Variants in OTOG observed in about 807,000 individuals in gnomAD.
OTOG encodes otogelin.
In OTOG, 296 loss-of-function variants were observed where a neutral mutation model predicts 313.8. The observed-to-expected ratio is 0.94, with a 90% CI of 0.86 to 1.04. The LOEUF (loss-of-function observed/expected upper bound fraction) is 1.04, where lower values mean the gene tolerates loss of function less well. Among genes scored for constraint, OTOG ranks in the 50% least tolerant of loss-of-function variants. OTOG has a pLI of 0.00. For synonymous variants in OTOG, 1,533 were observed against 1,554.9 expected (o/e 0.99, Z 0.33); for missense variants, 3,948 against 3,840.1 (o/e 1.03, Z -0.74).
chr11:17,576,559 C>G lies in OTOG; in HGVS notation c.2490C>G (p.Asn830Lys). 1 of 1,550,182 alleles carries G rather than the reference C, an allele frequency of 6.5e-7. No homozygotes were observed. Among genetic ancestry groups the G allele is most frequent in the African/African-American group, 1.4e-5 (1 of 73,150 alleles). The change falls in exon 21 of 56, where the codon AAC becomes AAG. Residue 830 changes from asparagine (N) to lysine (K), a missense_variant. Coordinates refer to ENST00000399397, the MANE Select transcript of OTOG (RefSeq NM_001292063.2). ...DTQADLCVPR[N>K]QCSCHFQGVD... ...CTTTGCTCCCATTTTTTTATAGGAACCAGTGCTCCTGCCACTTCCAGGGAG... is the reference window on the plus strand; with the variant it reads ...CTTTGCTCCCATTTTTTTATAGGAAGCAGTGCTCCTGCCACTTCCAGGGAG...
At chr11:17,636,338 T>G (rs979444761) in intron 47 of OTOG, among the ~76,000 whole-genome samples, 2 of 152,194 alleles carry the variant, frequency 1.3e-5, no homozygotes, top group African/African-American at 4.8e-5. Context: ...GCAGCCAGCA[T>G]TACGGATTGT....
Position 17,593,723 on chromosome 11 carries a change from C to A in OTOG, c.3255C>A (p.Thr1085=), listed in dbSNP as rs1432914213. Residue 1085 remains threonine (T), a synonymous_variant, in exon 27 of 56, where the codon ACC becomes ACA. Transcript: ENST00000399397. ...TCACCCTCTTGTGGGACCAGAGAACCACAGTGCACGTCCAGGCTGGGCCTC... is the reference window on the plus strand; with the variant it reads ...TCACCCTCTTGTGGGACCAGAGAACAACAGTGCACGTCCAGGCTGGGCCTC... ...EHITLLWDQR[T]TVHVQAGPQW... The A allele has an allele frequency of 6.5e-6, 10 of 1,548,770 alleles. No homozygotes were observed. The highest frequency in any genetic ancestry group is 6.1e-6 in the Non-Finnish European group (7 of 1,146,976).
chr11:17,632,663 G>A (rs559066304), intron 42 of OTOG, among the ~76,000 whole-genome samples: 1 of 152,084 alleles, frequency 6.6e-6, no homozygotes, highest in African/African-American at 2.4e-5. Context: ...TTTTGCTCAC[G>A]TTTCTCTTCT....
chr11:17,599,804 G>A (rs1475062048), intron 31 of OTOG, 107 bp downstream of exon 31: 1 of 1,343,910 alleles, frequency 7.4e-7, no homozygotes, highest in Non-Finnish European at 1.0e-6. Context: ...CCCTGGAAGA[G>A]CCGTGACCCG....
rs866591171 is a variant in OTOG, at chr11:17,573,042, C to A, written c.2081-36C>A. The A allele has an allele frequency of 6.6e-6, 10 of 1,503,922 alleles. No individual in the cohort carries two copies. The African/African-American group carries it at 1.1e-4, about 17-fold the overall frequency. 93.2% of individuals were successfully genotyped at this position (1,503,922 alleles called of 1,614,324 possible). ...TCCTGGGACACCAGGTAGACCGACT[C>A]CCCTGACTGCCTGGCTCCTGTTCTT... On this transcript the variant is annotated intron_variant, in intron 18 of 55. Transcript: ENST00000399397.
chr11:17,610,339 G>A lies in OTOG; in HGVS notation c.5039G>A (p.Gly1680Glu), dbSNP rs750049065. 5 of 1,550,652 alleles carry A rather than the reference G, an allele frequency of 3.2e-6. No homozygotes were observed. The highest frequency in any genetic ancestry group is 4.4e-6 in the Non-Finnish European group (5 of 1,146,992). ...GTAACTAAGGTCATAAGCAGGACAG[G>A]GGTCCCCCAGCCCACCCAGGCCCAG... is the stretch of plus-strand genomic sequence containing the variant. ...PAVTKVISRT[G>E]VPQPTQAQSA... is the part of the protein sequence containing the mutation. The change falls in exon 36 of 56, where the codon GGG (glycine) becomes GAG (glutamate). Residue 1680 changes from glycine (G) to glutamate (E), a missense_variant. By Grantham distance (98) the Gly-to-Glu change is moderately conservative. Coordinates refer to ENST00000399397, the MANE Select transcript of OTOG (RefSeq NM_001292063.2).
At chr11:17,581,174 G>A (rs997040154) in intron 23 of OTOG, among the ~76,000 whole-genome samples, 1 of 152,152 alleles carries the variant, frequency 6.6e-6, no homozygotes, top group African/African-American at 2.4e-5. Context: ...TCATCCAAGA[G>A]GAATAAATAG....
chr11:17,641,125 TG>T, intron 51 of OTOG, 34 bp downstream of exon 51: 1 of 408,006 alleles, frequency 2.5e-6, no homozygotes. Context: ...TGGGTGGGGT[TG>T]GGAGGGCTTG....
At chr11:17,577,015 T>C (rs375043077) in intron 22 of OTOG, 104 bp downstream of exon 22, 12 of 1,200,074 alleles carry the variant, frequency 1.0e-5, no homozygotes, top group East Asian at 7.7e-5. Flanking sequence ...CTCCAGGTTT[T>C]GCCCTACATT....
intron 19 of OTOG, 131 bp downstream of exon 19, chr11:17,573,421 T>A: frequency 1.0e-6 from 1 of 975,618 alleles, no homozygotes. Flanking sequence ...AGAGCCTGCT[T>A]CTCCTCCTGC....
chr11:17,563,853 G>GTTTTTTTTTTT (rs1565094488), intron 15 of OTOG, among the ~76,000 whole-genome samples: 1 of 133,406 alleles, frequency 7.5e-6, no homozygotes. Flanking sequence ...GCTAGTTTTT[G>GTTTTTTTTTTT]GTTTTTTTTT....
chr11:17,632,188 T>G lies in OTOG; in HGVS notation c.7034T>G (p.Phe2345Cys). 1 of 1,551,034 alleles carries G rather than the reference T, an allele frequency of 6.4e-7. No homozygotes were observed. Among genetic ancestry groups the G allele is most frequent in the Non-Finnish European group, 8.7e-7 (1 of 1,146,972 alleles). ...GTGTACGTGGCCATGTGCCACAAAT[T>G]TCATGTGTGCATCGAGTGGCGGCGC... is the stretch of plus-strand genomic sequence containing the variant. ...LTVYVAMCHK[F>C]HVCIEWRRSD... Residue 2345 changes from phenylalanine (F) to cysteine (C), a missense_variant, in exon 42 of 56, where the codon TTT (phenylalanine) becomes TGT (cysteine). Transcript: ENST00000399397.
At chr11:17,608,124 A>G (rs1420454219) in intron 33 of OTOG, among the ~76,000 whole-genome samples, 172 bp from the exon 34 acceptor site, 2 of 151,664 alleles carry the variant, frequency 1.3e-5, no homozygotes, top group South Asian at 2.1e-4. Flanking sequence ...TCCCCCAGGC[A>G]CTCACCCCAA....
chr11:17,612,061 C>T (rs951272571), intron 36 of OTOG, 101 bp from the exon 37 acceptor site: 38 of 1,392,632 alleles, frequency 2.7e-5, no homozygotes, highest in East Asian at 2.0e-4. Context: ...TCCCCTGCCC[C>T]GCTAGGACCT....
At chr11:17,594,213 C>G (rs540139833) in intron 28 of OTOG, 47 bp downstream of exon 28, 2 of 1,549,636 alleles carry the variant, frequency 1.3e-6, no homozygotes, top group Admixed American at 3.9e-5. Context: ...CTCAGATGGG[C>G]GCTGCCAGCA....
At position 17,560,768 on chromosome 11, in the gene OTOG, G is replaced by A. The variant is rs909060907; in HGVS notation, c.1402G>A (p.Gly468Arg). The change falls in exon 13 of 56, where the codon GGG becomes AGG. Residue 468 changes from glycine to arginine, a missense_variant. Gly to Arg is a moderately radical substitution (Grantham distance 125). Transcript: ENST00000399397. ...APAECPCEFH[G>R]TLYPPGSVVK... ...AGCTGAGTGTCCCTGTGAGTTTCAC[G>A]GGACTCTGTACCCACCTGGCTCTGT... The A allele has an allele frequency of 7.7e-6, 12 of 1,550,740 alleles. No individual in the cohort carries two copies. Among genetic ancestry groups the A allele is most frequent in the East Asian group, 7.3e-5 (3 of 40,918 alleles).
intron 31 of OTOG, 102 bp from the exon 32 acceptor site, chr11:17,602,108 T>C: frequency 3.1e-6 from 4 of 1,307,588 alleles, no homozygotes; most frequent in Non-Finnish European, 4.2e-6. Context: ...TCCTCCTTGG[T>C]AGCTTGCCCT....
chr11:17,611,128 C>G lies in OTOG; in HGVS notation c.5828C>G (p.Thr1943Arg). Residue 1943 changes from threonine (T) to arginine (R), a missense_variant, in exon 36 of 56, where the codon ACG becomes AGG. Physicochemically the swap from Thr to Arg is moderately conservative, Grantham distance 71. Coordinates refer to ENST00000399397, the MANE Select transcript of OTOG (RefSeq NM_001292063.2). ...ACGCCTGCTACGAGCCACCCTCTCA[C>G]GCCCTTGGTGGCTGAGCCCGAGGGA... is the stretch of plus-strand genomic sequence containing the variant. ...ELTPATSHPL[T>R]PLVAEPEGAQ... 6 of 1,550,606 alleles carry G rather than the reference C, an allele frequency of 3.9e-6. No homozygotes were observed. The highest frequency in any genetic ancestry group is 5.2e-6 in the Non-Finnish European group (6 of 1,146,962).
At chr11:17,595,927 C>T (rs117364846) in intron 28 of OTOG, 111 bp from the exon 29 acceptor site, 131 of 745,570 alleles carry the variant, frequency 1.8e-4, no homozygotes, top group Non-Finnish European at 2.7e-4. Flanking sequence ...TTACAAGGAC[C>T]TGAATATCAG....
Sources: gnomAD v4.1 joint callset for allele counts (sites outside exome capture counted in the v4.1 genomes callset) on GRCh38, gnomAD v4.1.1 for gene constraint, MANE v1.5 for transcripts, NCBI Gene and HGNC (gene_info 2026-07-23, HGNC 2026-07-21) for gene names.